Variants in SLC9A9 observed in about 807,000 individuals in gnomAD.
The protein encoded by SLC9A9 is solute carrier family 9 member A9.
Under a neutral mutation model 77.8 loss-of-function variants are expected in SLC9A9, and 62 were observed. The ratio of observed to expected loss-of-function variants is 0.80; its 90% confidence interval spans 0.65 to 0.98. The LOEUF (loss-of-function observed/expected upper bound fraction) is 0.98, where lower values mean the gene tolerates loss of function less well. SLC9A9 is among the 50% of genes least tolerant of loss of function. SLC9A9 has a pLI of 0.00. For missense variants in SLC9A9, 775 were observed against 774.9 expected, an observed-to-expected ratio of 1.00 and a Z score of 0.00; for synonymous variants, 320 against 283.5, an observed-to-expected ratio of 1.13 and a Z score of -1.29.
Position 143,775,769 on chromosome 3 carries a change from C to A in SLC9A9, c.533+19232G>T, listed in dbSNP as rs533498331. On this transcript the variant is annotated intron_variant, in intron 4 of 15. Coordinates refer to ENST00000316549, the MANE Select transcript of SLC9A9 (RefSeq NM_173653.4). ...TTAGGGTGTGCTTGACTCTGAAATC[C>A]GCAAATAATTTTACCAAAATGGCTT... 2.6e-5 allele frequency among the ~76,000 whole-genome samples: 4 copies of A among 152,160 alleles called. No individual in the cohort carries two copies. The South Asian group carries it at 8.3e-4, about 32-fold the overall frequency.
chr3:143,723,196 G>T (rs1406840173), intron 4 of SLC9A9, among the ~76,000 whole-genome samples: 9 of 151,996 alleles, frequency 5.9e-5, no homozygotes, highest in Admixed American at 5.9e-4. Context: ...ATGTCTCCCT[G>T]GGTATGTGAT....
At chr3:143,684,849 G>A (rs1933212386) in intron 5 of SLC9A9, among the ~76,000 whole-genome samples, 1 of 152,022 alleles carries the variant, frequency 6.6e-6, no homozygotes, top group Admixed American at 6.6e-5. Flanking sequence ...ACTGGGAGGA[G>A]AGATTTTAGA....
intron 14 of SLC9A9, among the ~76,000 whole-genome samples, chr3:143,319,625 A>G (rs1473992261): frequency 6.6e-6 from 1 of 152,198 alleles, no homozygotes; most frequent in African/African-American, 2.4e-5. Context: ...CTGAATTAGC[A>G]AAGAGGCTGC....
chr3:143,635,605 C>G (rs1053179786), intron 6 of SLC9A9, among the ~76,000 whole-genome samples: 1 of 152,180 alleles, frequency 6.6e-6, no homozygotes, highest in African/African-American at 2.4e-5. Flanking sequence ...TACAAATAGC[C>G]TCCAGCAGAG....
At chr3:143,561,966 T>C (rs1473649553) in intron 8 of SLC9A9, among the ~76,000 whole-genome samples, 2 of 152,240 alleles carry the variant, frequency 1.3e-5, no homozygotes, top group East Asian at 1.9e-4. Flanking sequence ...AGCAGGTAGA[T>C]ATGTGCTTGC....
intron 9 of SLC9A9, among the ~76,000 whole-genome samples, chr3:143,522,492 C>G (rs1019511930): frequency 6.6e-6 from 1 of 152,086 alleles, no homozygotes; most frequent in Non-Finnish European, 1.5e-5. Flanking sequence ...GGTCCCAGCT[C>G]TTTTTCCATT....
At chr3:143,718,324 CCA>C (rs1486694030) in intron 4 of SLC9A9, among the ~76,000 whole-genome samples, 1 of 152,176 alleles carries the variant, frequency 6.6e-6, no homozygotes, top group Non-Finnish European at 1.5e-5. Context: ...TTTCTCTCCC[CCA>C]CACACAGGAT....
At chr3:143,416,637 G>A (rs558448310) in intron 12 of SLC9A9, among the ~76,000 whole-genome samples, 2 of 152,182 alleles carry the variant, frequency 1.3e-5, no homozygotes, top group South Asian at 2.1e-4. Context: ...ACAGCATTCT[G>A]TAAACCTAAC....
intron 2 of SLC9A9, among the ~76,000 whole-genome samples, chr3:143,812,220 G>T (rs2008887503): frequency 6.6e-6 from 1 of 152,192 alleles, no homozygotes; most frequent in African/African-American, 2.4e-5. Context: ...GTTAACTGTT[G>T]ATACCATTTG....
chr3:143,816,632 A>G (rs914992714), intron 2 of SLC9A9, among the ~76,000 whole-genome samples: 2 of 152,160 alleles, frequency 1.3e-5, no homozygotes, highest in African/African-American at 2.4e-5. Flanking sequence ...TCTTGTACTT[A>G]AGTCTGTGTA....
intron 12 of SLC9A9, among the ~76,000 whole-genome samples, chr3:143,437,161 C>A (rs1405228051): frequency 2.6e-5 from 4 of 152,238 alleles, no homozygotes; most frequent in Non-Finnish European, 4.4e-5. Flanking sequence ...GTGGGTGCCC[C>A]ATAGCAGGGG....
chr3:143,693,203 G>C lies in SLC9A9; in HGVS notation c.638C>G (p.Ala213Gly), dbSNP rs1933529979. ...ATTTGAGCAATTACCTGGATCTGTA[G>C]CAGACATCAGTGAACCAAAAAATAA... ...DCLFFGSLMS[A>G]TDPVTVLAIF... Residue 213 changes from alanine (A) to glycine (G), a missense_variant, in exon 5 of 16, where the codon GCT becomes GGT. Transcript: ENST00000316549. The C allele has an allele frequency of 6.2e-7, 1 of 1,611,878 alleles. No homozygotes were observed. Among genetic ancestry groups the C allele is most frequent in the African/African-American group, 1.3e-5 (1 of 74,952 alleles).
chr3:143,744,375 G>A (rs1576697077), intron 4 of SLC9A9, among the ~76,000 whole-genome samples: 1 of 152,174 alleles, frequency 6.6e-6, no homozygotes, highest in East Asian at 1.9e-4. Context: ...TTGGGAGACT[G>A]ACTCTCAAAG....
At chr3:143,803,667 C>T (rs2008629918) in intron 2 of SLC9A9, among the ~76,000 whole-genome samples, 1 of 152,022 alleles carries the variant, frequency 6.6e-6, no homozygotes, top group Non-Finnish European at 1.5e-5. Flanking sequence ...ATCCTTATGC[C>T]ACCCTCTATC....
intron 4 of SLC9A9, among the ~76,000 whole-genome samples, chr3:143,693,841 C>T (rs553244922): frequency 2.0e-5 from 3 of 152,072 alleles, no homozygotes; most frequent in East Asian, 3.9e-4. Context: ...GTAGAGAATC[C>T]CTGTTAGGTT....
chr3:143,357,350 T>C (rs1432351749), intron 14 of SLC9A9, among the ~76,000 whole-genome samples: 4 of 152,130 alleles, frequency 2.6e-5, no homozygotes, highest in Admixed American at 1.3e-4. Context: ...CAAGACTTTG[T>C]GAGGGTCAAC....
At chr3:143,616,219 T>G (rs371673454) in intron 6 of SLC9A9, among the ~76,000 whole-genome samples, 58 of 152,344 alleles carry the variant, frequency 3.8e-4, no homozygotes, top group African/African-American at 1.3e-3. Flanking sequence ...TATTCTGCTT[T>G]CATTCACTTT....
At chr3:143,746,964 G>A (rs1935209902) in intron 4 of SLC9A9, among the ~76,000 whole-genome samples, 1 of 151,912 alleles carries the variant, frequency 6.6e-6, no homozygotes, top group Admixed American at 6.6e-5. Context: ...TCCTTCAAAC[G>A]CGACATATTT....
chr3:143,713,416 T>C (rs1934248144), intron 4 of SLC9A9, among the ~76,000 whole-genome samples: 1 of 152,080 alleles, frequency 6.6e-6, no homozygotes, highest in South Asian at 2.1e-4. Context: ...AGAAGGAACA[T>C]GGTATCCAGA....
Sources: allele counts gnomAD v4.1 joint callset (sites outside exome capture counted in the v4.1 genomes callset), GRCh38; gene constraint gnomAD v4.1.1; transcripts MANE v1.5; gene names NCBI Gene and HGNC (gene_info 2026-07-23, HGNC 2026-07-21).